Variants in SH3KBP1 observed in about 807,000 individuals in gnomAD.
SH3KBP1 encodes SH3 domain containing kinase binding protein 1, also known as SH3 domain-containing kinase-binding protein 1.
In SH3KBP1, 8 loss-of-function variants were observed where a neutral mutation model predicts 50.1. That is an observed-to-expected ratio of 0.16 (90% confidence interval 0.09 to 0.29). The LOEUF (loss-of-function observed/expected upper bound fraction) is 0.29. Ranked by LOEUF, SH3KBP1 falls within the 10% of genes least tolerant of loss-of-function variation. The probability of loss-of-function intolerance (pLI) is 1.00; values close to 1 mark genes in which losing one functional copy is unlikely to be tolerated. For synonymous variants in SH3KBP1, 227 were observed against 218.6 expected (o/e 1.04, Z -0.34); for missense variants, 377 against 535.2 (o/e 0.70, Z 2.92).
chrX:19,874,927 G>A (rs917451485), intron 1 of SH3KBP1, among the ~76,000 whole-genome samples: 11 of 102,325 alleles, frequency 1.1e-4, no homozygotes, highest in South Asian at 5.0e-4. Context: ...AGGGTGAGGG[G>A]ATGAAGAAAG....
chrX:19,547,889 A>T, intron 14 of SH3KBP1, among the ~76,000 whole-genome samples: 1 of 112,805 alleles, frequency 8.9e-6, no homozygotes, highest in Admixed American at 9.4e-5. Flanking sequence ...AGTAAATAGG[A>T]ATTCAATGTA....
intron 5 of SH3KBP1, among the ~76,000 whole-genome samples, chrX:19,692,908 C>T (rs1200515135): frequency 1.2e-4 from 13 of 108,978 alleles, no homozygotes; most frequent in Admixed American, 9.9e-4. Context: ...AGGCTGGTCT[C>T]GAACTCCTGG....
chrX:19,691,528 A>G (rs1047499268), intron 5 of SH3KBP1, among the ~76,000 whole-genome samples: 1 of 108,286 alleles, frequency 9.2e-6, no homozygotes, highest in African/African-American at 3.4e-5. Context: ...ATTTAATGAC[A>G]CAGCAGAGAT....
intron 4 of SH3KBP1, among the ~76,000 whole-genome samples, chrX:19,696,997 A>G (rs1385821587): frequency 1.8e-5 from 2 of 111,729 alleles, no homozygotes; most frequent in African/African-American, 6.5e-5. Flanking sequence ...AGCAGAAGTA[A>G]ACCTCAGCTC....
At position 19,645,433 on chromosome X, in the gene SH3KBP1, A is replaced by C. The variant is rs1323342014; in HGVS notation, c.769T>G (p.Ser257Ala). The C allele has an allele frequency of 1.7e-6, 2 of 1,204,558 alleles. No individual in the cohort carries two copies. The highest frequency in any genetic ancestry group is 3.5e-5 in the African/African-American group (2 of 57,189). The part of the protein sequence containing the change: ...KLPATTATPD[S>A]SKTEMDSRTK... Reference sequence around the variant, plus strand: ...CTGCTGTCCATTTCTGTTTTTGATGAGTCTGGAGTTGCTGTAGTTGCAGGT... The same window carrying C: ...CTGCTGTCCATTTCTGTTTTTGATGCGTCTGGAGTTGCTGTAGTTGCAGGT... The change falls in exon 7 of 18, where the codon TCA becomes GCA. Residue 257 changes from serine to alanine, a missense_variant. Physicochemically the swap from Ser to Ala is moderately conservative, Grantham distance 99 (BLOSUM62 1). Transcript: ENST00000397821.
chrX:19,612,166 A>G (rs913733401), intron 8 of SH3KBP1, among the ~76,000 whole-genome samples: 1 of 111,495 alleles, frequency 9.0e-6, no homozygotes, highest in Admixed American at 9.6e-5. Context: ...GTCCTCTTCA[A>G]CAAACCAGAC....
intron 2 of SH3KBP1, among the ~76,000 whole-genome samples, chrX:19,785,362 A>T (rs1295213280): frequency 1.9e-5 from 2 of 103,761 alleles, no homozygotes; most frequent in Non-Finnish European, 3.9e-5. Flanking sequence ...TACAAAAAAT[A>T]CAAAAAAAAA....
chrX:19,827,220 AC>A lies in SH3KBP1; in HGVS notation c.162+8904del, dbSNP rs769329740. Reference sequence around the variant, plus strand: ...GGACATGCAAGCTGCAAGTGTACACACTTCACCCATCAACAATTGGGCAGGC... The same window carrying A: ...GGACATGCAAGCTGCAAGTGTACACATTCACCCATCAACAATTGGGCAGGC... On this transcript the variant is annotated intron_variant, in intron 2 of 17. Coordinates refer to ENST00000397821, the MANE Select transcript of SH3KBP1 (RefSeq NM_031892.3). Among the ~76,000 whole-genome samples, 3 of 112,309 alleles carry A rather than the reference AC, an allele frequency of 2.7e-5. No individual in the cohort carries two copies. In the South Asian group the frequency reaches 1.1e-3, roughly 41 times the overall value.
chrX:19,816,118 T>A (rs2147306772), intron 2 of SH3KBP1, among the ~76,000 whole-genome samples: 1 of 112,385 alleles, frequency 8.9e-6, no homozygotes, highest in East Asian at 2.8e-4. Context: ...ATTCCCACCA[T>A]CAATATATGA....
chrX:19,814,565 G>A (rs2067300646), intron 2 of SH3KBP1, among the ~76,000 whole-genome samples: 1 of 111,641 alleles, frequency 9.0e-6, no homozygotes, highest in Non-Finnish European at 1.9e-5. Flanking sequence ...CTCCTCCATA[G>A]GGCCTTTGCA....
chrX:19,698,450 G>A (rs1433431100), intron 4 of SH3KBP1, among the ~76,000 whole-genome samples: 7 of 112,394 alleles, frequency 6.2e-5, no homozygotes, highest in African/African-American at 1.9e-4. Flanking sequence ...TCAGATGCCA[G>A]TATCACTGTC....
intron 10 of SH3KBP1, among the ~76,000 whole-genome samples, chrX:19,592,844 C>T (rs1044209931): frequency 2.7e-5 from 3 of 112,450 alleles, no homozygotes; most frequent in Non-Finnish European, 3.8e-5. Context: ...TTCCAGGCAC[C>T]CTTGCCAAGG....
intron 2 of SH3KBP1, among the ~76,000 whole-genome samples, chrX:19,792,811 C>A (rs1364274540): frequency 9.3e-6 from 1 of 107,167 alleles, no homozygotes; most frequent in East Asian, 3.0e-4. Flanking sequence ...GCGGGACGGG[C>A]GATTGTGCTA....
At chrX:19,589,131 A>G (rs957322907) in intron 11 of SH3KBP1, among the ~76,000 whole-genome samples, 2 of 112,560 alleles carry the variant, frequency 1.8e-5, no homozygotes, top group Non-Finnish European at 3.8e-5. Context: ...AACAGCTCAA[A>G]GGCAGACTTC....
At chrX:19,626,799 G>C (rs1384650238) in intron 8 of SH3KBP1, among the ~76,000 whole-genome samples, 1 of 110,192 alleles carries the variant, frequency 9.1e-6, no homozygotes, top group Non-Finnish European at 1.9e-5. Flanking sequence ...AAACTCCCAG[G>C]CTCAAGTGAT....
intron 2 of SH3KBP1, among the ~76,000 whole-genome samples, chrX:19,757,371 T>G (rs1325545097): frequency 9.1e-6 from 1 of 109,936 alleles, no homozygotes; most frequent in Non-Finnish European, 1.9e-5. Context: ...TACCCTAAGG[T>G]GTTTCTCTTA....
intron 1 of SH3KBP1, among the ~76,000 whole-genome samples, chrX:19,841,678 C>T (rs1169231468): frequency 1.8e-5 from 2 of 111,051 alleles, no homozygotes; most frequent in East Asian, 2.8e-4. Flanking sequence ...ATGGAAAGAA[C>T]ATCAGATATC....
chrX:19,784,274 T>C (rs1464510021), intron 2 of SH3KBP1, among the ~76,000 whole-genome samples: 1 of 112,217 alleles, frequency 8.9e-6, no homozygotes, highest in East Asian at 2.8e-4. Context: ...ATGAGATTCA[T>C]TATAAAGATG....
chrX:19,639,224 C>G (rs762934478), intron 7 of SH3KBP1, among the ~76,000 whole-genome samples: 1 of 111,741 alleles, frequency 8.9e-6, no homozygotes, highest in African/African-American at 3.3e-5. Flanking sequence ...TATGAAGAAG[C>G]TGACCATAAC....
Sources: allele counts gnomAD v4.1 joint callset (sites outside exome capture counted in the v4.1 genomes callset), GRCh38; gene constraint gnomAD v4.1.1; transcripts MANE v1.5; gene names NCBI Gene and HGNC (gene_info 2026-07-23, HGNC 2026-07-21).